The following PCDHA9 variants were observed in gnomAD, a reference collection of about 807,000 sequenced individuals.
The protein encoded by PCDHA9 is protocadherin alpha 9, also known as protocadherin alpha-9.
PCDHA9 carries 62 observed loss-of-function variants against 62.0 expected under a neutral mutation model. That is an observed-to-expected ratio of 1.00 (90% confidence interval 0.81 to 1.23). The LOEUF (loss-of-function observed/expected upper bound fraction) is 1.23, where lower values mean the gene tolerates loss of function less well. Among genes scored for constraint, PCDHA9 ranks in the 50% most tolerant of loss-of-function variants. PCDHA9 has a pLI of 0.00. For missense variants in PCDHA9, 1,205 were observed against 1,249.8 expected, an observed-to-expected ratio of 0.96 and a Z score of 0.54; for synonymous variants, 557 against 567.6, an observed-to-expected ratio of 0.98 and a Z score of 0.27.
At chr5:140,970,960 G>T (rs3776114) in intron 1 of PCDHA9, among the ~76,000 whole-genome samples, 54,597 of 152,034 alleles carry the variant, frequency 0.36, 10,036 homozygotes, top group Admixed American at 0.46. Context: ...ATGGGAGGCA[G>T]ATTGTAGATT....
chr5:140,909,066 T>G (rs1554193625), intron 1 of PCDHA9, among the ~76,000 whole-genome samples: 1 of 152,200 alleles, frequency 6.6e-6, no homozygotes, highest in African/African-American at 2.4e-5. Flanking sequence ...GTCTCACCAA[T>G]AAGCCCAGTG....
At chr5:140,939,051 T>G (rs1359303875) in intron 1 of PCDHA9, among the ~76,000 whole-genome samples, 1 of 152,236 alleles carries the variant, frequency 6.6e-6, no homozygotes, top group East Asian at 1.9e-4. Flanking sequence ...TTAGTCCATT[T>G]GGGCTGCTAT....
chr5:141,009,407 G>T (rs990895210), intron 3 of PCDHA9, among the ~76,000 whole-genome samples: 2 of 152,184 alleles, frequency 1.3e-5, no homozygotes, highest in Admixed American at 6.5e-5. Flanking sequence ...TGCAGTGACT[G>T]CATTTCAGCC....
chr5:140,957,746 AG>A (rs1173855054), intron 1 of PCDHA9, among the ~76,000 whole-genome samples: 1 of 152,136 alleles, frequency 6.6e-6, no homozygotes, highest in Non-Finnish European at 1.5e-5. Flanking sequence ...CTGACATGAA[AG>A]GATGTTCATT....
chr5:140,895,670 G>A (rs551602030), intron 1 of PCDHA9, among the ~76,000 whole-genome samples: 2 of 152,132 alleles, frequency 1.3e-5, no homozygotes, highest in African/African-American at 2.4e-5. Context: ...AGAACATGTA[G>A]TATTTGGTTT....
rs190155701 is a variant in PCDHA9, at chr5:140,878,924, A to G, written c.2394+28035A>G. Among the ~76,000 whole-genome samples, 11 of 152,344 alleles carry G rather than the reference A, an allele frequency of 7.2e-5. No homozygotes were observed. The East Asian group carries it at 2.1e-3, about 29-fold the overall frequency. ...GCTCCACCACTCCCAGCTTCAATCA[A>G]TAATTTTAAATAAATATATGGTATT... On this transcript the variant is annotated intron_variant, in intron 1 of 3. Transcript: ENST00000532602.
intron 1 of PCDHA9, chr5:140,869,228 G>A (rs782726206): frequency 6.2e-7 from 1 of 1,613,764 alleles, no homozygotes; most frequent in Non-Finnish European, 8.5e-7. Context: ...GCCAAACACG[G>A]CACCTTCGTG....
intron 1 of PCDHA9, chr5:140,862,752 G>A (rs554442218): frequency 5.2e-6 from 3 of 577,754 alleles, no homozygotes; most frequent in East Asian, 4.7e-5. Flanking sequence ...TGCACGCGGA[G>A]AGCGGCAAGA....
chr5:140,970,912 T>C (rs1035265875), intron 1 of PCDHA9, among the ~76,000 whole-genome samples: 3 of 152,212 alleles, frequency 2.0e-5, no homozygotes, highest in Non-Finnish European at 2.9e-5. Flanking sequence ...TTTATTCATT[T>C]ATCAGAAGTG....
rs782520879 is a variant in PCDHA9, at chr5:141,009,808, T to A, written c.2724T>A (p.Ile908=). Residue 908 remains isoleucine (I), a synonymous_variant, in exon 4 of 4, where the codon ATT becomes ATA. Transcript: ENST00000532602. ...GGCAGGAGCCTACTAACAGCCAAAT[T>A]GACAAAAGTGACTTCATAACCTTCG... The part of the protein sequence containing the change: ...SIRQEPTNSQ[I]DKSDFITFGK... The A allele has an allele frequency of 1.2e-6, 2 of 1,613,832 alleles. No homozygotes were observed. The highest frequency in any genetic ancestry group is 2.2e-5 in the South Asian group (2 of 91,042).
chr5:140,908,494 C>A (rs559456993), intron 1 of PCDHA9, among the ~76,000 whole-genome samples: 1 of 152,310 alleles, frequency 6.6e-6, no homozygotes, highest in East Asian at 1.9e-4. Flanking sequence ...GTTCAGGTTG[C>A]TTGGTGACTT....
At chr5:140,923,480 C>G (rs1554201462) in intron 1 of PCDHA9, among the ~76,000 whole-genome samples, 1 of 152,064 alleles carries the variant, frequency 6.6e-6, no homozygotes, top group African/African-American at 2.4e-5. Context: ...AGTGAGCCAT[C>G]TTCACACCAC....
intron 3 of PCDHA9, among the ~76,000 whole-genome samples, chr5:140,990,610 C>T (rs781969043): frequency 4.6e-5 from 7 of 152,080 alleles, no homozygotes; most frequent in African/African-American, 9.7e-5. Flanking sequence ...AGATGAATAC[C>T]GTAAAGGTCT....
At chr5:140,977,703 A>G (rs1407162368) in intron 1 of PCDHA9, among the ~76,000 whole-genome samples, 1 of 152,192 alleles carries the variant, frequency 6.6e-6, no homozygotes, top group Non-Finnish European at 1.5e-5. Context: ...ATCTGTCTGA[A>G]TATTGAGATG....
intron 3 of PCDHA9, among the ~76,000 whole-genome samples, chr5:140,998,172 T>C (rs1438782798): frequency 6.6e-6 from 1 of 152,184 alleles, no homozygotes; most frequent in Admixed American, 6.5e-5. Flanking sequence ...CCAAGTATTA[T>C]TCTAAGCACT....
intron 1 of PCDHA9, among the ~76,000 whole-genome samples, chr5:140,900,367 T>C (rs1554189080): frequency 6.6e-6 from 1 of 152,152 alleles, no homozygotes; most frequent in Non-Finnish European, 1.5e-5. Context: ...AACCTCTGCC[T>C]CCTGGGTTCA....
chr5:140,875,564 T>C (rs1327477761), intron 1 of PCDHA9: 1 of 1,614,048 alleles, frequency 6.2e-7, no homozygotes, highest in African/African-American at 1.3e-5. Flanking sequence ...AGCGGCCAGC[T>C]CCACTACTCC....
chr5:140,938,014 T>C (rs1554211943), intron 1 of PCDHA9, among the ~76,000 whole-genome samples: 6 of 152,220 alleles, frequency 3.9e-5, no homozygotes. Context: ...TCTTGCTAAA[T>C]AGTAAAATCT....
intron 1 of PCDHA9, among the ~76,000 whole-genome samples, chr5:140,897,305 G>T (rs952231570): frequency 6.6e-6 from 1 of 150,594 alleles, no homozygotes; most frequent in Non-Finnish European, 1.5e-5. Context: ...TTAGCATTAG[G>T]TATATCTCCT....
Sources: gnomAD v4.1 joint callset for allele counts (sites outside exome capture counted in the v4.1 genomes callset) on GRCh38, gnomAD v4.1.1 for gene constraint, MANE v1.5 for transcripts, NCBI Gene and HGNC (gene_info 2026-07-23, HGNC 2026-07-21) for gene names.